The following CROT variants were observed in gnomAD, a reference collection of about 807,000 sequenced individuals.
CROT encodes peroxisomal carnitine O-octanoyltransferase.
In CROT, 84 loss-of-function variants were observed where a neutral mutation model predicts 89.2. The observed-to-expected ratio is 0.94, with a 90% CI of 0.79 to 1.13. CROT has a LOEUF of 1.13. CROT is among the 50% of genes most tolerant of loss of function. The probability of loss-of-function intolerance (pLI) is 0.00; values close to 1 mark genes in which losing one functional copy is unlikely to be tolerated. For missense variants in CROT, 711 were observed against 727.8 expected (o/e 0.98, Z 0.27); for synonymous variants, 212 against 239.5 (o/e 0.89, Z 1.06).
chr7:87,377,198 A>G lies in CROT; in HGVS notation c.877-151A>G, dbSNP rs182862740. The G allele has an allele frequency of 6.4e-3, 3,235 of 503,144 alleles. 18 individuals are homozygous for G. The highest frequency in any genetic ancestry group is 8.9e-3 in the Non-Finnish European group (2,533 of 285,264). The allele number at this position is 503,144 out of a possible 1,614,324, so 31.2% of individuals were successfully genotyped here. A position where few individuals can be genotyped will look rare whatever the true frequency, so the allele number is the denominator to read the frequency against. ...ACTCTCTCTTGACTTTGCATATCAC[A>G]TATCAGTGTTGCTGATCATAACTAT... On this transcript the variant is annotated intron_variant, in intron 9 of 17. Coordinates refer to ENST00000331536, the MANE Select transcript of CROT (RefSeq NM_021151.4).
In CROT at chr7:87,375,650, CAAG is replaced by C. The variant is rs1247710282; in HGVS notation, c.679_681del (p.Lys227del). Reference sequence around the variant, plus strand: ...CCATAAGACAACTGACATATATCCACAAGAAGTGCCATAGTGAACCTGATGGAC... The same window carrying C: ...CCATAAGACAACTGACATATATCCACAAGTGCCATAGTGAACCTGATGGAC... On this transcript the variant is annotated inframe_deletion, in exon 8 of 18. Coordinates refer to ENST00000331536, the MANE Select transcript of CROT (RefSeq NM_021151.4). The C allele has an allele frequency of 6.2e-7, 1 of 1,612,868 alleles. No individual in the cohort carries two copies.
intron 17 of CROT, among the ~76,000 whole-genome samples, chr7:87,396,404 TGTTAG>T: frequency 6.6e-6 from 1 of 152,322 alleles, no homozygotes; most frequent in Non-Finnish European, 1.5e-5. Context: ...CCAGAACTGA[TGTTAG>T]ATAATCTCAC....
At chr7:87,376,153 T>C (rs2115941460) in intron 9 of CROT, among the ~76,000 whole-genome samples, 200 bp downstream of exon 9, 1 of 152,214 alleles carries the variant, frequency 6.6e-6, no homozygotes, top group Middle Eastern at 3.4e-3. Flanking sequence ...TTTAAGTTTG[T>C]TTAGCTATAT....
chr7:87,382,672 G>C, intron 13 of CROT, 129 bp downstream of exon 13: 1 of 859,826 alleles, frequency 1.2e-6, no homozygotes, highest in South Asian at 1.9e-5. Context: ...TGTCCTATTT[G>C]TACTTCCATC....
chr7:87,382,277 C>A, intron 12 of CROT, 96 bp downstream of exon 12: 3 of 1,407,374 alleles, frequency 2.1e-6, no homozygotes, highest in Non-Finnish European at 3.0e-6. Context: ...CTGCACAAAA[C>A]ATTTTAAAAT....
intron 3 of CROT, among the ~76,000 whole-genome samples, chr7:87,356,640 C>A (rs1299216657): frequency 6.6e-6 from 1 of 152,138 alleles, no homozygotes; most frequent in African/African-American, 2.4e-5. Flanking sequence ...GAATGAGACT[C>A]CAGGTTTCCA....
At chr7:87,365,389 C>G (rs1318588282) in intron 6 of CROT, among the ~76,000 whole-genome samples, 4 of 151,740 alleles carry the variant, frequency 2.6e-5, no homozygotes, top group Admixed American at 6.6e-5. Context: ...ACGCGGGAAG[C>G]TGAGGCAGGA....
chr7:87,382,431 G>A lies in CROT; in HGVS notation c.1189G>A (p.Ala397Thr). Reference sequence around the variant, plus strand: ...TTGTTAGGCATCTGATCTACAGATTGCGGCTTATGCCTTTACATCTTTTGG... The same window carrying A: ...TTGTTAGGCATCTGATCTACAGATTACGGCTTATGCCTTTACATCTTTTGG... ...YLREASDLQI[A>T]AYAFTSFGKK... The change falls in exon 13 of 18, where the codon GCG becomes ACG. Residue 397 changes from alanine (A) to threonine (T), a missense_variant. Transcript: ENST00000331536. 2.5e-6 allele frequency: 4 copies of A among 1,613,502 alleles called. No homozygotes were observed. The highest frequency in any genetic ancestry group is 3.4e-6 in the Non-Finnish European group (4 of 1,179,774).
At chr7:87,374,116 AT>A (rs202049991) in intron 7 of CROT, among the ~76,000 whole-genome samples, 1 of 152,232 alleles carries the variant, frequency 6.6e-6, no homozygotes, top group East Asian at 1.9e-4. Context: ...ATTTAAAAAA[AT>A]ATATGATTCT....
chr7:87,360,053 G>A (rs947609006), intron 4 of CROT: 4 of 979,678 alleles, frequency 4.1e-6, no homozygotes, highest in Admixed American at 1.2e-4. Context: ...CACACTTCCG[G>A]ATTCCTTTGT....
At chr7:87,375,564 C>A in intron 7 of CROT, 68 bp from the exon 8 acceptor site, 1 of 1,170,080 alleles carries the variant, frequency 8.5e-7, no homozygotes, top group Non-Finnish European at 1.3e-6. Context: ...ATGTTATGAC[C>A]TTTTAAAGGC....
At chr7:87,354,397 T>G (rs1419724166) in intron 3 of CROT, 1 of 518,886 alleles carries the variant, frequency 1.9e-6, no homozygotes, top group Non-Finnish European at 3.8e-6. Context: ...GTGCTTGGAT[T>G]TAACTGGACC....
At chr7:87,355,213 C>T (rs987328750) in intron 3 of CROT, among the ~76,000 whole-genome samples, 2 of 152,026 alleles carry the variant, frequency 1.3e-5, no homozygotes, top group African/African-American at 4.8e-5. Context: ...GATCCTCCCA[C>T]CTCAGCCTCC....
chr7:87,397,545 G>C (rs925882038), intron 17 of CROT, among the ~76,000 whole-genome samples: 1 of 152,122 alleles, frequency 6.6e-6, no homozygotes, highest in Non-Finnish European at 1.5e-5. Flanking sequence ...AATAAGAATG[G>C]TTAATCTGTG....
chr7:87,362,213 T>C (rs890228256), intron 6 of CROT, among the ~76,000 whole-genome samples: 1 of 152,140 alleles, frequency 6.6e-6, no homozygotes, highest in African/African-American at 2.4e-5. Context: ...TTTTTGAGTG[T>C]TTACTTATAT....
Position 87,381,991 on chromosome 7 carries a change from A to G in CROT, c.1060A>G (p.Lys354Glu). The G allele has an allele frequency of 6.2e-7, 1 of 1,600,520 alleles. No homozygotes were observed. The highest frequency in any genetic ancestry group is 8.6e-7 in the Non-Finnish European group (1 of 1,169,204). The change falls in exon 11 of 18, where the codon AAG (lysine) becomes GAG (glutamate). Residue 354 changes from lysine to glutamate, a missense_variant and splice_region_variant. Physicochemically the swap from Lys to Glu is moderately conservative, Grantham distance 56. Coordinates refer to ENST00000331536, the MANE Select transcript of CROT (RefSeq NM_021151.4). ...EKIFQNEGRW[K>E]GSEKVRDIPL... ...AATTTTTCAGAATGAAGGAAGATGGAAGGTATGTTTGAATAAATATTTCAT... is the reference window on the plus strand; with the variant it reads ...AATTTTTCAGAATGAAGGAAGATGGGAGGTATGTTTGAATAAATATTTCAT...
intron 10 of CROT, among the ~76,000 whole-genome samples, chr7:87,380,395 G>GCCTATTT (rs780945012): frequency 6.6e-6 from 1 of 151,380 alleles, no homozygotes. Context: ...TAGATCCTTG[G>GCCTATTT]TAAGTACTGT....
At chr7:87,353,330 G>A (rs1198439761) in intron 3 of CROT, among the ~76,000 whole-genome samples, 1 of 151,926 alleles carries the variant, frequency 6.6e-6, no homozygotes, top group Non-Finnish European at 1.5e-5. Flanking sequence ...TGTAGTTTTA[G>A]TAGAGATGGG....
At chr7:87,382,229 C>G in intron 12 of CROT, 48 bp downstream of exon 12, 1 of 1,492,886 alleles carries the variant, frequency 6.7e-7, no homozygotes, top group Non-Finnish European at 9.1e-7. Context: ...TTTCTTTTAA[C>G]AACCATATGT....
Sources: gnomAD v4.1 joint callset for allele counts (sites outside exome capture counted in the v4.1 genomes callset) on GRCh38, gnomAD v4.1.1 for gene constraint, MANE v1.5 for transcripts, NCBI Gene and HGNC (gene_info 2026-07-23, HGNC 2026-07-21) for gene names.